Variants in FAT2 observed in about 807,000 individuals in gnomAD.
FAT2 encodes the protein FAT atypical cadherin 2, also known as protocadherin Fat 2.
In FAT2, 150 loss-of-function variants were observed where a neutral mutation model predicts 295.3. That is an observed-to-expected ratio of 0.51 (90% confidence interval 0.44 to 0.58). The LOEUF (loss-of-function observed/expected upper bound fraction) is 0.58. Ranked by LOEUF, FAT2 falls within the 20% of genes least tolerant of loss-of-function variation. FAT2 has a pLI of 0.00. For missense variants in FAT2, 4,868 were observed against 5,442.7 expected (o/e 0.89, Z 3.32); for synonymous variants, 2,026 against 2,150.3 (o/e 0.94, Z 1.60).
Position 151,531,616 on chromosome 5 carries a change from T to A in FAT2, c.9782A>T (p.Gln3261Leu). The A allele has an allele frequency of 4.3e-6, 7 of 1,613,022 alleles. No homozygotes were observed. Among genetic ancestry groups the A allele is most frequent in the Non-Finnish European group, 5.9e-6 (7 of 1,179,944 alleles). The change falls in exon 14 of 24, where the codon CAA becomes CTA. Residue 3261 changes from glutamine to leucine, a missense_variant. Gln to Leu is a moderately radical substitution (Grantham distance 113, BLOSUM62 -2). Around this residue, in one of 5 missense-constraint regions of FAT2, gnomAD observed 1,046 missense variants for 1,210.1 expected, o/e 0.86. Transcript: ENST00000261800. The surrounding 1 kb of genome is among the most constrained non-coding windows in gnomAD (Gnocchi z 5.7). ...TGYRVVSGNE[Q>L]GRFRLDARTG... ...GCGAGCATCCAGGCGGAACCTGCCT[T>A]GCTCGTTCCCGCTGACCACGCGGTA...
In FAT2 at chr5:151,512,888, A is replaced by AC. The variant is rs1761431437; in HGVS notation, c.11464-283dup. On this transcript the variant is annotated intron_variant, in intron 20 of 23. Coordinates refer to ENST00000261800, the MANE Select transcript of FAT2 (RefSeq NM_001447.3). This position sits in a 1 kb window ranked among gnomAD's most constrained non-coding sequence, Gnocchi z 4.1. Reference sequence around the variant, plus strand: ...GCCGAGAGATGCTTTGCTGATCAAGACCCTGTATTTTGGATGCTTCTTCAC... The same window carrying AC: ...GCCGAGAGATGCTTTGCTGATCAAGACCCCTGTATTTTGGATGCTTCTTCAC... 2.3e-6 allele frequency: 1 copy of AC among 441,084 alleles called. No individual in the cohort carries two copies. The highest frequency in any genetic ancestry group is 2.0e-5 in the African/African-American group (1 of 50,796). The allele number at this position is 441,084 out of a possible 1,614,324, so 27.3% of individuals were successfully genotyped here. A position where few individuals can be genotyped will look rare whatever the true frequency, so the allele number is the denominator to read the frequency against.
At chr5:151,517,488 A>C (rs1752989104) in intron 20 of FAT2, 132 bp downstream of exon 20, 1 of 1,136,878 alleles carries the variant, frequency 8.8e-7, no homozygotes, top group African/African-American at 1.5e-5. Context: ...CAACAGTCAC[A>C]CCCAGAATCC....
intron 1 of FAT2, among the ~76,000 whole-genome samples, chr5:151,590,716 T>C (rs1759364598): frequency 3.3e-5 from 5 of 152,204 alleles, no homozygotes. Flanking sequence ...TATGCCCACC[T>C]GGACACACAC....
At chr5:151,538,294 C>G (rs145398707) in intron 11 of FAT2, among the ~76,000 whole-genome samples, 3 of 152,356 alleles carry the variant, frequency 2.0e-5, no homozygotes, top group African/African-American at 4.8e-5. Context: ...TTCTTCCACC[C>G]AGTCCTTTGA....
chr5:151,526,591 G>T, intron 17 of FAT2, among the ~76,000 whole-genome samples: 1 of 152,324 alleles, frequency 6.6e-6, no homozygotes, highest in South Asian at 2.1e-4. Flanking sequence ...GACATTCTCT[G>T]TTCCTTTCTT....
Position 151,545,178 on chromosome 5 carries a change from G to T in FAT2, c.5949C>A (p.Asp1983Glu). ...YWAAVKENLQ[D>E]RKALVILGAQ... Reference sequence around the variant, plus strand: ...CACCAAGAATCACCAGTGCCTTTCTGTCCTGCAAGTTCTCCTTCACAGCTG... The same window carrying T: ...CACCAAGAATCACCAGTGCCTTTCTTTCCTGCAAGTTCTCCTTCACAGCTG... The change falls in exon 10 of 24, where the codon GAC becomes GAA. Residue 1983 changes from aspartate to glutamate, a missense_variant. Physicochemically the swap from Asp to Glu is conservative, Grantham distance 45 (BLOSUM62 2). This residue lies in a region of FAT2 where 3,297 missense variants were observed against 3,669.4 expected (regional missense o/e 0.90). Transcript: ENST00000261800. 1 of 1,614,192 alleles carries T rather than the reference G, an allele frequency of 6.2e-7. No homozygotes were observed. The highest frequency in any genetic ancestry group is 8.5e-7 in the Non-Finnish European group (1 of 1,180,028).
At chr5:151,538,822 G>A (rs1311133752) in intron 11 of FAT2, among the ~76,000 whole-genome samples, 2 of 151,732 alleles carry the variant, frequency 1.3e-5, no homozygotes, top group Non-Finnish European at 2.9e-5. Flanking sequence ...GAGTACAGGT[G>A]CGTGCCACCA....
At chr5:151,529,463 G>A (rs1220947760) in intron 14 of FAT2, 71 bp from the exon 15 acceptor site, 5 of 1,366,032 alleles carry the variant, frequency 3.7e-6, no homozygotes, top group Non-Finnish European at 4.2e-6. Flanking sequence ...GAGGGTCTGA[G>A]CCCAGCCCTA....
intron 1 of FAT2, among the ~76,000 whole-genome samples, chr5:151,574,009 T>C (rs1758645362): frequency 6.6e-6 from 1 of 152,162 alleles, no homozygotes; most frequent in South Asian, 2.1e-4. Context: ...TGAAGTCCCT[T>C]CCAACTCATA....
chr5:151,537,327 AAG>A (rs1338276011), intron 12 of FAT2, among the ~76,000 whole-genome samples: 5 of 2,650 alleles, frequency 1.9e-3, no homozygotes, highest in Admixed American at 7.9e-3. Flanking sequence ...AAGAGAAAAA[AAG>A]AAAGAAAAGA....
At chr5:151,526,247 C>G (rs192631065) in intron 17 of FAT2, among the ~76,000 whole-genome samples, 204 of 152,306 alleles carry the variant, frequency 1.3e-3, no homozygotes, top group Non-Finnish European at 2.3e-3. Flanking sequence ...ACCCTTTATT[C>G]TGTAGAGAGA....
intron 17 of FAT2, among the ~76,000 whole-genome samples, 166 bp downstream of exon 17, chr5:151,527,067 TC>T (rs1754085847): frequency 6.6e-6 from 1 of 152,234 alleles, no homozygotes; most frequent in Non-Finnish European, 1.5e-5. Flanking sequence ...AGTGCCTGAT[TC>T]CCTTCAATTC....
chr5:151,551,080 T>C (rs1757152926), intron 7 of FAT2, among the ~76,000 whole-genome samples: 1 of 152,176 alleles, frequency 6.6e-6, no homozygotes, highest in Admixed American at 6.5e-5. Context: ...AAACAAAAAT[T>C]TTCTGGAAGG....
Position 151,527,360 on chromosome 5 carries a change from C to T in FAT2, c.10182G>A (p.Leu3394=). Residue 3394 remains leucine (L), a synonymous_variant, in exon 17 of 24, where the codon CTG becomes CTA. Coordinates refer to ENST00000261800, the MANE Select transcript of FAT2 (RefSeq NM_001447.3). ...LDREQASSYS[L]KLRATDSGQP... ...GCCCACTGTCTGTGGCTCGGAGCTTCAGGGAATAACTAGAGGCCTATTGCA... is the reference window on the plus strand; with the variant it reads ...GCCCACTGTCTGTGGCTCGGAGCTTTAGGGAATAACTAGAGGCCTATTGCA... The T allele has an allele frequency of 6.2e-7, 1 of 1,609,656 alleles. No individual in the cohort carries two copies. The highest frequency in any genetic ancestry group is 1.7e-4 in the Middle Eastern group (1 of 5,988).
At chr5:151,542,173 G>T in intron 10 of FAT2, 112 bp downstream of exon 10, 2 of 1,027,618 alleles carry the variant, frequency 1.9e-6, no homozygotes, top group Non-Finnish European at 1.4e-6. Context: ...TGTGCCCAAG[G>T]TCACACTGCT....
chr5:151,537,997 TC>T, intron 11 of FAT2, 51 bp from the exon 12 acceptor site: 1 of 1,560,102 alleles, frequency 6.4e-7, no homozygotes, highest in Non-Finnish European at 8.8e-7. Context: ...TGCATTCAGA[TC>T]CAGAGAGAAG....
chr5:151,531,170 G>A lies in FAT2; in HGVS notation c.9811+417C>T, dbSNP rs561839786. Among the ~76,000 whole-genome samples the A allele has an allele frequency of 1.3e-5, 2 of 152,206 alleles. No individual in the cohort carries two copies. Among genetic ancestry groups the A allele is most frequent in the Non-Finnish European group, 2.9e-5 (2 of 68,038 alleles). ...GGGTGCCAGGATGTTTGGAGTGGAT[G>A]TGGGGACTCCAGGAGGGAAGCAGGC... On this transcript the variant is annotated intron_variant, in intron 14 of 23. Transcript: ENST00000261800. The surrounding 1 kb of genome is among the most constrained non-coding windows in gnomAD (Gnocchi z 5.7).
Position 151,543,640 on chromosome 5 carries a change from A to G in FAT2, c.7487T>C (p.Val2496Ala). The G allele has an allele frequency of 6.2e-7, 1 of 1,614,082 alleles. No individual in the cohort carries two copies. The highest frequency in any genetic ancestry group is 2.2e-5 in the East Asian group (1 of 44,864). ...TAGCAAATCAATCACCTTGGTTCCAACCATTGCATTCTCTGCTAATTCTGC... is the reference window on the plus strand; with the variant it reads ...TAGCAAATCAATCACCTTGGTTCCAGCCATTGCATTCTCTGCTAATTCTGC... ...YEAELAENAM[V>A]GTKVIDLLAI... Residue 2496 changes from valine to alanine, a missense_variant, in exon 10 of 24, where the codon GTT (valine) becomes GCT (alanine). Physicochemically the swap from Val to Ala is moderately conservative, Grantham distance 64. Around this residue, in one of 5 missense-constraint regions of FAT2, gnomAD observed 3,297 missense variants for 3,669.4 expected, o/e 0.90. Coordinates refer to ENST00000261800, the MANE Select transcript of FAT2 (RefSeq NM_001447.3).
Position 151,512,086 on chromosome 5 carries a change from C to T in FAT2, c.11905+79G>A. 3.6e-6 allele frequency: 5 copies of T among 1,393,716 alleles called. No homozygotes were observed. The highest frequency in any genetic ancestry group is 4.7e-5 in the East Asian group (2 of 42,734). The allele number at this position is 1,393,716 out of a possible 1,614,324, so 86.3% of individuals were successfully genotyped here. A position where few individuals can be genotyped will look rare whatever the true frequency, so the allele number is the denominator to read the frequency against. The stretch of plus-strand genomic sequence containing the variant: ...ATTTGGAACCAGGAGGCTCTGAGAT[C>T]TCCACCCTGACATGCTTTTCCCACC... On this transcript the variant is annotated intron_variant, in intron 21 of 23. Coordinates refer to ENST00000261800, the MANE Select transcript of FAT2 (RefSeq NM_001447.3). The surrounding 1 kb of genome is among the most constrained non-coding windows in gnomAD (Gnocchi z 4.1).
Sources: allele counts gnomAD v4.1 joint callset (sites outside exome capture counted in the v4.1 genomes callset), GRCh38; gene constraint gnomAD v4.1.1; regional missense constraint gnomAD v4.1.1; non-coding constraint Gnocchi (gnomAD v3.1); transcripts MANE v1.5; gene names NCBI Gene and HGNC (gene_info 2026-07-23, HGNC 2026-07-21).